Variants in CR1 observed in about 807,000 individuals in gnomAD.
CR1 encodes the protein complement receptor type 1.
A neutral mutation model predicts 187.3 loss-of-function variants in CR1; 116 were observed. That is an observed-to-expected ratio of 0.62 (90% confidence interval 0.53 to 0.72). CR1 has a LOEUF of 0.72. Among genes scored for constraint, CR1 ranks in the 30% least tolerant of loss-of-function variants. The pLI is 0.00. For synonymous variants in CR1, 576 were observed against 747.1 expected (o/e 0.77, Z 3.73); for missense variants, 1,731 against 2,110.7 (o/e 0.82, Z 3.52).
intron 4 of CR1, among the ~76,000 whole-genome samples, chr1:207,515,043 T>TTATATGTA (rs1032700070): frequency 2.1e-5 from 3 of 140,574 alleles, no homozygotes; most frequent in Admixed American, 2.1e-4. Context: ...ACATATATAC[T>TTATATGTA]TATATGTATA....
chr1:207,524,186 C>T (rs563883132), intron 5 of CR1, among the ~76,000 whole-genome samples, 177 bp downstream of exon 5: 2 of 152,052 alleles, frequency 1.3e-5, no homozygotes, highest in African/African-American at 2.4e-5. Context: ...GCTGAAATTG[C>T]GAAGCAAAGC....
intron 4 of CR1, among the ~76,000 whole-genome samples, chr1:207,513,758 C>CCTT: frequency 2.2e-5 from 2 of 90,056 alleles, no homozygotes; most frequent in African/African-American, 8.2e-5. Context: ...CTCCCTCCCT[C>CCTT]CCTCCCTTCC....
intron 30 of CR1, 33 bp from the exon 31 acceptor site, chr1:207,580,478 T>C (rs1385070375): frequency 6.3e-7 from 1 of 1,595,838 alleles, no homozygotes. Context: ...GTCTTACTCC[T>C]ATTTTTTCTT....
At position 207,588,661 on chromosome 1, in the gene CR1, G is replaced by T. The variant is rs773576302; in HGVS notation, c.5711-14G>T. On this transcript the variant is annotated splice_polypyrimidine_tract_variant and intron_variant, in intron 34 of 46. Transcript: ENST00000367049. ...AACTCTATATTTAATCCCAAATTCT[G>T]CTTCTTCCCCTAGGAAAATCATGTG... is the stretch of plus-strand genomic sequence containing the variant. 1 of 1,583,508 alleles carries T rather than the reference G, an allele frequency of 6.3e-7. No individual in the cohort carries two copies. Among genetic ancestry groups the T allele is most frequent in the African/African-American group, 1.3e-5 (1 of 74,386 alleles).
rs890203316 is a variant in CR1, at chr1:207,640,703, A to G, written c.*1294A>G. ...CTTTAGAGAACAAAAATGTGTTATG[A>G]TATTATGGGCCATGCTAATGACCTC... is the stretch of plus-strand genomic sequence containing the variant. On this transcript the variant is annotated 3_prime_UTR_variant, in exon 47 of 47. Transcript: ENST00000367049. 2.6e-5 allele frequency: 4 copies of G among 152,208 alleles called. No homozygotes were observed. The highest frequency in any genetic ancestry group is 9.6e-5 in the African/African-American group (4 of 41,458). 9.4% of individuals were successfully genotyped at this position (152,208 alleles called of 1,614,324 possible).
intron 36 of CR1, among the ~76,000 whole-genome samples, chr1:207,607,901 A>C (rs555033967): frequency 1.3e-5 from 2 of 152,316 alleles, no homozygotes; most frequent in South Asian, 4.1e-4. Flanking sequence ...CCATGGAAGA[A>C]TGATTGCAAA....
At chr1:207,613,097 C>T (rs1221048764) in intron 39 of CR1, among the ~76,000 whole-genome samples, 3 of 152,062 alleles carry the variant, frequency 2.0e-5, no homozygotes, top group Non-Finnish European at 4.4e-5. Context: ...TTTGTACCTG[C>T]GTTTGGTGGG....
intron 40 of CR1, 113 bp downstream of exon 40, chr1:207,614,602 TA>T: frequency 1.4e-6 from 1 of 724,450 alleles, no homozygotes; most frequent in Non-Finnish European, 2.2e-6. Flanking sequence ...AAATTATGGA[TA>T]AAAATACTTC....
At chr1:207,566,102 A>G (rs1300695436) in intron 24 of CR1, among the ~76,000 whole-genome samples, 179 bp downstream of exon 24, 1 of 150,436 alleles carries the variant, frequency 6.6e-6, no homozygotes, top group Admixed American at 6.6e-5. Flanking sequence ...CTTTGCAACC[A>G]TCTGATCTGT....
rs147393469 is a variant in CR1 at position 207,515,307 on chromosome 1, T to C, written c.487+3653T>C. On this transcript the variant is annotated intron_variant, in intron 4 of 46. Transcript: ENST00000367049. ...TATATGTATACATATATACACACTA[T>C]ATATATATACACATATATATAGTGT... is the stretch of plus-strand genomic sequence containing the variant. Among the ~76,000 whole-genome samples the C allele has an allele frequency of 7.9e-4, 117 of 148,610 alleles. No homozygotes were observed. In the East Asian group the frequency reaches 0.022, roughly 29 times the overall value.
At chr1:207,628,970 G>A (rs958537799) in intron 45 of CR1, among the ~76,000 whole-genome samples, 1 of 152,138 alleles carries the variant, frequency 6.6e-6, no homozygotes, top group African/African-American at 2.4e-5. Context: ...TTCTTCCTGT[G>A]ATTTAATCTC....
intron 35 of CR1, chr1:207,599,144 A>ACAGT: frequency 6.6e-6 from 1 of 152,262 alleles, no homozygotes; most frequent in Non-Finnish European, 1.5e-5. Context: ...ACAACAGTAG[A>ACAGT]TAAGCAATAG....
At chr1:207,525,158 C>CTTATGGTT (rs1558228327) in intron 5 of CR1, among the ~76,000 whole-genome samples, 3 of 151,972 alleles carry the variant, frequency 2.0e-5, no homozygotes, top group African/African-American at 4.9e-5. Flanking sequence ...GGTGCTCAAC[C>CTTATGGTT]ATAAGAAACC....
At chr1:207,582,057 T>C in intron 32 of CR1, 54 bp downstream of exon 32, 2 of 1,346,470 alleles carry the variant, frequency 1.5e-6, no homozygotes, top group Non-Finnish European at 2.1e-6. Context: ...TTTCTTAATA[T>C]AGTTTGCCCC....
chr1:207,604,181 A>T (rs554089625), intron 35 of CR1, among the ~76,000 whole-genome samples: 3 of 152,224 alleles, frequency 2.0e-5, no homozygotes, highest in African/African-American at 7.2e-5. Flanking sequence ...TGTTCATTTG[A>T]CTATTTCCAT....
intron 4 of CR1, among the ~76,000 whole-genome samples, chr1:207,515,148 T>TATATATACGTGTACACGC (rs1659755000): frequency 9.6e-6 from 1 of 104,264 alleles, no homozygotes; most frequent in Non-Finnish European, 1.9e-5. Flanking sequence ...CGTGTATACG[T>TATATATACGTGTACACGC]ATATATACAT....
intron 33 of CR1, 110 bp from the exon 34 acceptor site, chr1:207,587,276 G>A (rs1246829013): frequency 3.2e-6 from 3 of 932,958 alleles, no homozygotes; most frequent in East Asian, 2.6e-5. Flanking sequence ...TGCTATTCTT[G>A]TAAGTCTCTT....
intron 4 of CR1, among the ~76,000 whole-genome samples, chr1:207,517,641 TTTG>T (rs1302658681): frequency 2.0e-5 from 3 of 152,016 alleles, no homozygotes; most frequent in Non-Finnish European, 4.4e-5. Flanking sequence ...GACCTGAGGG[TTTG>T]TTGTTGTTGT....
At chr1:207,634,658 G>A (rs1285663585) in intron 46 of CR1, among the ~76,000 whole-genome samples, 1 of 152,054 alleles carries the variant, frequency 6.6e-6, no homozygotes, top group Non-Finnish European at 1.5e-5. Context: ...GGTGTCCCTT[G>A]GTGGAAGGAC....
Sources: gnomAD v4.1 joint callset for allele counts (sites outside exome capture counted in the v4.1 genomes callset) on GRCh38, gnomAD v4.1.1 for gene constraint, MANE v1.5 for transcripts, NCBI Gene and HGNC (gene_info 2026-07-23, HGNC 2026-07-21) for gene names.